Variants in STK39 observed in about 807,000 individuals in gnomAD.
The protein encoded by STK39 is serine/threonine kinase 39, also known as STE20/SPS1-related proline-alanine-rich protein kinase.
STK39 carries 20 observed loss-of-function variants against 77.8 expected under a neutral mutation model. The ratio of observed to expected loss-of-function variants is 0.26; its 90% confidence interval spans 0.18 to 0.37. STK39 has a LOEUF of 0.37. Among genes scored for constraint, STK39 ranks in the 10% least tolerant of loss-of-function variants. The pLI, the probability that STK39 is intolerant of heterozygous loss-of-function variation, is 1.00. For missense variants in STK39, 479 were observed against 656.5 expected (o/e 0.73, Z 2.95); for synonymous variants, 246 against 234.1 (o/e 1.05, Z -0.47).
intron 14 of STK39, among the ~76,000 whole-genome samples, chr2:168,037,439 T>G (rs1684985699): frequency 6.6e-6 from 1 of 152,202 alleles, no homozygotes; most frequent in Non-Finnish European, 1.5e-5. Flanking sequence ...ACCTAATAAT[T>G]CAACATCAAT....
At chr2:168,062,731 T>C (rs2105383545) in intron 14 of STK39, among the ~76,000 whole-genome samples, 1 of 152,322 alleles carries the variant, frequency 6.6e-6, no homozygotes, top group East Asian at 1.9e-4. Flanking sequence ...ATGCCTAGTA[T>C]ATGCACGTGC....
intron 5 of STK39, among the ~76,000 whole-genome samples, chr2:168,152,892 T>A (rs1169032121): frequency 6.6e-6 from 1 of 152,226 alleles, no homozygotes; most frequent in African/African-American, 2.4e-5. Context: ...TGATCTTTTT[T>A]AAACAAATCT....
At chr2:168,063,439 G>C in intron 14 of STK39, 61 bp downstream of exon 14, 1 of 1,425,488 alleles carries the variant, frequency 7.0e-7, no homozygotes, top group Non-Finnish European at 9.7e-7. Context: ...GGTTAACGAA[G>C]GAGATTTAAA....
chr2:167,985,463 C>A (rs1270340516), intron 16 of STK39, among the ~76,000 whole-genome samples: 1 of 152,146 alleles, frequency 6.6e-6, no homozygotes, highest in Non-Finnish European at 1.5e-5. Context: ...CCTTTCTTCA[C>A]CAAGCAGGAT....
chr2:168,171,843 C>T (rs963649273), intron 2 of STK39, among the ~76,000 whole-genome samples: 44 of 121,660 alleles, frequency 3.6e-4, no homozygotes, highest in East Asian at 6.3e-4. Flanking sequence ...TTCATTTCCA[C>T]GCCCCCCCCA....
intron 16 of STK39, among the ~76,000 whole-genome samples, chr2:167,971,556 G>A (rs1238698201): frequency 6.6e-6 from 1 of 152,162 alleles, no homozygotes; most frequent in African/African-American, 2.4e-5. Flanking sequence ...CTGAAAAACT[G>A]AGTTCCTTCA....
Position 167,987,707 on chromosome 2 carries a change from T to C in STK39, c.1499-22981A>G, listed in dbSNP as rs192323773. 1.8e-4 allele frequency among the ~76,000 whole-genome samples: 28 copies of C among 152,254 alleles called. No individual in the cohort carries two copies. The East Asian group carries it at 4.8e-3, about 26-fold the overall frequency. ...GGCCTGTACTAAGCCACCCAAGGAA[T>C]AGCGAAACCTCCAAATAACCCCCAA... On this transcript the variant is annotated intron_variant, in intron 16 of 17. Transcript: ENST00000355999.
At chr2:168,090,801 T>C (rs1037594493) in intron 10 of STK39, among the ~76,000 whole-genome samples, 4 of 152,144 alleles carry the variant, frequency 2.6e-5, no homozygotes, top group African/African-American at 7.2e-5. Flanking sequence ...TGGTTAATAG[T>C]GATGAGTATA....
intron 1 of STK39, among the ~76,000 whole-genome samples, chr2:168,192,880 T>C (rs892740225): frequency 6.6e-6 from 1 of 152,166 alleles, no homozygotes; most frequent in Non-Finnish European, 1.5e-5. Context: ...CACCTCCCTA[T>C]GATCAGCTCT....
chr2:167,962,989 C>T (rs565824428), intron 17 of STK39, among the ~76,000 whole-genome samples: 1 of 152,290 alleles, frequency 6.6e-6, no homozygotes, highest in South Asian at 2.1e-4. Context: ...GCAGACCAGG[C>T]TTCATTAGCC....
intron 12 of STK39, among the ~76,000 whole-genome samples, chr2:168,071,224 A>G (rs2105397926): frequency 6.6e-6 from 1 of 152,170 alleles, no homozygotes; most frequent in African/African-American, 2.4e-5. Flanking sequence ...CTTCTGACCT[A>G]CTCATAAATA....
intron 1 of STK39, among the ~76,000 whole-genome samples, chr2:168,213,010 T>C (rs757325674): frequency 1.3e-5 from 2 of 152,210 alleles, no homozygotes; most frequent in Admixed American, 6.5e-5. Flanking sequence ...AAATATCCCA[T>C]GATCCATTCA....
At chr2:168,080,630 CAA>C (rs200147022) in intron 10 of STK39, among the ~76,000 whole-genome samples, 3,229 of 139,390 alleles carry the variant, frequency 0.023, 114 homozygotes, top group African/African-American at 0.08. Context: ...ACTCCTTCTC[CAA>C]AAAAAAAAAA....
chr2:167,996,015 T>C (rs897340232), intron 16 of STK39, among the ~76,000 whole-genome samples: 1 of 152,288 alleles, frequency 6.6e-6, no homozygotes, highest in Non-Finnish European at 1.5e-5. Context: ...ATTTGTATTT[T>C]CATCTTGCAC....
Position 168,131,327 on chromosome 2 carries a change from T to A in STK39, c.975-1569A>T, listed in dbSNP as rs537829179. On this transcript the variant is annotated intron_variant, in intron 8 of 17. Transcript: ENST00000355999. Reference sequence around the variant, plus strand: ...AAAGGAGGAGGGATGCATTATTGAATATCATTAGGTATTATCTTAGGCAAC... The same window carrying A: ...AAAGGAGGAGGGATGCATTATTGAAAATCATTAGGTATTATCTTAGGCAAC... Among the ~76,000 whole-genome samples, 5 of 152,244 alleles carry A rather than the reference T, an allele frequency of 3.3e-5. No homozygotes were observed. In the South Asian group the frequency reaches 1.0e-3, roughly 32 times the overall value.
At chr2:168,134,713 G>T (rs1276300652) in intron 8 of STK39, among the ~76,000 whole-genome samples, 2 of 152,090 alleles carry the variant, frequency 1.3e-5, no homozygotes, top group African/African-American at 4.8e-5. Flanking sequence ...CTTTTATGAG[G>T]AAAGTCCCAT....
intron 16 of STK39, among the ~76,000 whole-genome samples, chr2:168,006,694 C>T (rs1390538834): frequency 6.6e-6 from 1 of 152,170 alleles, no homozygotes; most frequent in Non-Finnish European, 1.5e-5. Context: ...CAACACCCAC[C>T]CGCGAGGCCT....
In STK39 at chr2:167,973,679, G is replaced by A. The variant is rs114445185; in HGVS notation, c.1499-8953C>T. ...AAGGTGTGTGAGGAGAATGAAATTC[G>A]TTTGTGGTAAAAGACTGTAAGATGG... is the stretch of plus-strand genomic sequence containing the variant. On this transcript the variant is annotated intron_variant, in intron 16 of 17. Transcript: ENST00000355999. Among the ~76,000 whole-genome samples, 1,436 of 152,260 alleles carry A rather than the reference G, an allele frequency of 9.4e-3. 23 individuals are homozygous for A. Among genetic ancestry groups the A allele is most frequent in the African/African-American group, 0.033 (1,364 of 41,562 alleles).
At chr2:168,239,975 A>C (rs1190622144) in intron 1 of STK39, among the ~76,000 whole-genome samples, 2 of 152,254 alleles carry the variant, frequency 1.3e-5, no homozygotes, top group African/African-American at 4.8e-5. Context: ...TCAATTCATG[A>C]ACATGCACCA....
Sources: gnomAD v4.1 joint callset for allele counts (sites outside exome capture counted in the v4.1 genomes callset) on GRCh38, gnomAD v4.1.1 for gene constraint, MANE v1.5 for transcripts, NCBI Gene and HGNC (gene_info 2026-07-23, HGNC 2026-07-21) for gene names.